CNBD2: variants seen among roughly 807,000 people sequenced by gnomAD.
CNBD2 encodes cyclic nucleotide binding domain containing 2, also known as cyclic nucleotide-binding domain-containing protein 2.
Under a neutral mutation model 63.7 loss-of-function variants are expected in CNBD2, and 64 were observed. That is an observed-to-expected ratio of 1.00 (90% CI 0.82 to 1.24). The LOEUF is 1.24. CNBD2 is among the 50% of genes most tolerant of loss of function. The probability of loss-of-function intolerance (pLI) is 0.00; values close to 1 mark genes in which losing one functional copy is unlikely to be tolerated. For synonymous variants in CNBD2, 229 were observed against 255.4 expected (o/e 0.90, Z 0.99); for missense variants, 691 against 713.5 (o/e 0.97, Z 0.36).
At chr20:35,983,239 A>T (rs1329623956) in intron 4 of CNBD2, among the ~76,000 whole-genome samples, 8 of 151,852 alleles carry the variant, frequency 5.3e-5, no homozygotes, top group Admixed American at 5.2e-4. Flanking sequence ...AAGTGCTGGG[A>T]TTAACAGGCG....
upstream of CNBD2, among the ~76,000 whole-genome samples, chr20:35,965,436 C>T (rs916760237): frequency 1.3e-5 from 2 of 152,152 alleles, no homozygotes; most frequent in African/African-American, 4.8e-5. Flanking sequence ...CATCAGCCTC[C>T]CAAAGTGTTG....
At chr20:35,982,417 C>G (rs535227411) in intron 4 of CNBD2, among the ~76,000 whole-genome samples, 1 of 152,162 alleles carries the variant, frequency 6.6e-6, no homozygotes, top group Non-Finnish European at 1.5e-5. Context: ...TTTCCTTTCC[C>G]GTGAAGTGCA....
intron 2 of CNBD2, among the ~76,000 whole-genome samples, chr20:35,963,382 G>A (rs1347732745): frequency 1.3e-5 from 2 of 150,236 alleles, no homozygotes; most frequent in Non-Finnish European, 3.0e-5. Flanking sequence ...CAGAAAATTA[G>A]TCTACTTAAA....
rs1325083694 is a variant in CNBD2, at chr20:36,023,646, A to G, written c.1314A>G (p.Arg438=). 1 of 1,612,926 alleles carries G rather than the reference A, an allele frequency of 6.2e-7. No homozygotes were observed. Among genetic ancestry groups the G allele is most frequent in the African/African-American group, 1.3e-5 (1 of 74,836 alleles). Reference sequence around the variant, plus strand: ...TTCCAGAGGGTGAATGCGACACACGACCCTTGATCCTGATGAGCCTGGGAA... The same window carrying G: ...TTCCAGAGGGTGAATGCGACACACGGCCCTTGATCCTGATGAGCCTGGGAA... ...AFLPEGECDT[R]PLILMSLGNE... Residue 438 remains arginine, a synonymous_variant, in exon 11 of 12, where the codon CGA becomes CGG. Coordinates refer to ENST00000373973, the MANE Select transcript of CNBD2 (RefSeq NM_001365709.1).
At chr20:35,997,151 C>T (rs1255443370) in intron 8 of CNBD2, among the ~76,000 whole-genome samples, 1 of 151,990 alleles carries the variant, frequency 6.6e-6, no homozygotes, top group African/African-American at 2.4e-5. Flanking sequence ...TTTGTGTCAC[C>T]CACTTGGGTC....
chr20:35,964,940 A>G (rs974764173), upstream of CNBD2, among the ~76,000 whole-genome samples: 3 of 151,956 alleles, frequency 2.0e-5, no homozygotes, highest in Non-Finnish European at 4.4e-5. Context: ...TGACCTCGTG[A>G]TCTGTCCACC....
chr20:36,000,441 A>T (rs1378291483), intron 8 of CNBD2, among the ~76,000 whole-genome samples: 1 of 151,888 alleles, frequency 6.6e-6, no homozygotes, highest in Non-Finnish European at 1.5e-5. Flanking sequence ...CAATAGTGTA[A>T]TCTCGGCTCA....
intron 10 of CNBD2, among the ~76,000 whole-genome samples, chr20:36,012,753 C>T (rs185204151): frequency 3.6e-5 from 5 of 139,420 alleles, no homozygotes; most frequent in East Asian, 4.4e-4. Context: ...ACCTAGGAGG[C>T]GGAGGTTGCA....
rs6060750 is a variant in CNBD2, at chr20:36,008,449, C to T, written c.1123C>T (p.Pro375Ser). 0.21 allele frequency: 341,636 copies of T among 1,611,952 alleles called. 40,126 individuals carry two copies. The highest frequency in any genetic ancestry group is 0.42 in the South Asian group (38,546 of 90,764). The change falls in exon 9 of 12, where the codon CCC becomes TCC. Residue 375 changes from proline (P) to serine (S), a missense_variant. Physicochemically the swap from Pro to Ser is moderately conservative, Grantham distance 74 (BLOSUM62 -1). Coordinates refer to ENST00000373973, the MANE Select transcript of CNBD2 (RefSeq NM_001365709.1). ...GATCAGAACCTCAGGAGACACTCTCCCCAAGATGCTGGGCCCGAAGATCCA... is the reference window on the plus strand; with the variant it reads ...GATCAGAACCTCAGGAGACACTCTCTCCAAGATGCTGGGCCCGAAGATCCA... ...RKIRTSGDTL[P>S]KMLGPKIQSR...
intron 3 of CNBD2, among the ~76,000 whole-genome samples, chr20:35,979,013 C>T (rs563579579): frequency 1.3e-5 from 2 of 152,020 alleles, no homozygotes; most frequent in Non-Finnish European, 2.9e-5. Context: ...AGTTATTATG[C>T]CAGATGTTAA....
Position 36,023,601 on chromosome 20 carries a change from G to C in CNBD2, c.1270-1G>C. The C allele has an allele frequency of 6.3e-7, 1 of 1,585,040 alleles. No homozygotes were observed. The highest frequency in any genetic ancestry group is 8.6e-7 in the Non-Finnish European group (1 of 1,167,486). On this transcript the variant is annotated splice_acceptor_variant, in intron 10 of 11. Coordinates refer to ENST00000373973, the MANE Select transcript of CNBD2 (RefSeq NM_001365709.1). LOFTEE classifies it high-confidence loss of function. ...TCTAACTTTCTGTGACTTCTCCCGAGGGTCTTCACCAGGCCTTCCTTCCAG... is the reference window on the plus strand; with the variant it reads ...TCTAACTTTCTGTGACTTCTCCCGACGGTCTTCACCAGGCCTTCCTTCCAG...
chr20:35,997,472 C>T (rs1287894489), intron 8 of CNBD2, among the ~76,000 whole-genome samples: 1 of 152,168 alleles, frequency 6.6e-6, no homozygotes, highest in Non-Finnish European at 1.5e-5. Context: ...TTCTTCATAT[C>T]TACCTTGGGT....
intron 8 of CNBD2, among the ~76,000 whole-genome samples, chr20:36,001,515 C>T (rs1421296320): frequency 2.7e-5 from 4 of 149,104 alleles, no homozygotes; most frequent in African/African-American, 5.0e-5. Context: ...ACCTCCCTCC[C>T]GGACGGGGCG....
At chr20:35,985,231 C>T (rs1453472673) in intron 6 of CNBD2, among the ~76,000 whole-genome samples, 3 of 151,954 alleles carry the variant, frequency 2.0e-5, no homozygotes, top group Non-Finnish European at 2.9e-5. Flanking sequence ...CCCAGGAGTT[C>T]GAGGCTGTGG....
At chr20:36,019,184 T>G (rs2057174106) in intron 10 of CNBD2, among the ~76,000 whole-genome samples, 1 of 151,900 alleles carries the variant, frequency 6.6e-6, no homozygotes, top group Non-Finnish European at 1.5e-5. Flanking sequence ...CTAAGGGAAG[T>G]CTGCTGTGAG....
intron 8 of CNBD2, among the ~76,000 whole-genome samples, chr20:35,998,040 C>CTTTT (rs1046661526): frequency 5.5e-5 from 7 of 127,120 alleles, no homozygotes; most frequent in Admixed American, 2.4e-4. Flanking sequence ...TTTTCTTTTT[C>CTTTT]TTTTTTTTTT....
intron 5 of CNBD2, among the ~76,000 whole-genome samples, chr20:35,984,406 C>T (rs547458508): frequency 1.3e-5 from 2 of 152,312 alleles, no homozygotes; most frequent in African/African-American, 2.4e-5. Context: ...CCCCTCTGGC[C>T]TGTTCAGGTC....
At chr20:36,008,247 T>A (rs773760802) in intron 8 of CNBD2, 50 bp from the exon 9 acceptor site, 1 of 1,464,362 alleles carries the variant, frequency 6.8e-7, no homozygotes, top group Non-Finnish European at 9.3e-7. Context: ...ACCATAACCA[T>A]CATATATGCA....
In CNBD2 at chr20:35,962,216, C is replaced by T. The variant is rs147985163; in HGVS notation, c.228+4442C>T. Among the ~76,000 whole-genome samples, 21 of 151,578 alleles carry T rather than the reference C, an allele frequency of 1.4e-4. No individual in the cohort carries two copies. The East Asian group carries it at 4.1e-3, about 29-fold the overall frequency. Reference sequence around the variant, plus strand: ...GCTGGGAAGTTAATGCCTCCAGGAGCAGCTCTCAAGTGGACAATTCTGAGG... The same window carrying T: ...GCTGGGAAGTTAATGCCTCCAGGAGTAGCTCTCAAGTGGACAATTCTGAGG... On this transcript the variant is annotated intron_variant, in intron 2 of 4. Transcript: ENST00000622112.
Sources: allele counts gnomAD v4.1 joint callset (sites outside exome capture counted in the v4.1 genomes callset), GRCh38; gene constraint gnomAD v4.1.1; transcripts MANE v1.5; gene names NCBI Gene and HGNC (gene_info 2026-07-23, HGNC 2026-07-21).